The following ZNF653 variants were observed in gnomAD, a reference collection of about 807,000 sequenced individuals.
ZNF653 encodes zinc finger protein 653, also known as 67 kDa zinc finger protein.
Under a neutral mutation model 59.9 loss-of-function variants are expected in ZNF653, and 37 were observed. The ratio of observed to expected loss-of-function variants is 0.62; its 90% CI spans 0.48 to 0.81. The LOEUF is 0.81. ZNF653 is among the 40% of genes least tolerant of loss of function. The pLI is 0.00. For synonymous variants in ZNF653, 435 were observed against 371.8 expected, an observed-to-expected ratio of 1.17 and a Z score of -1.96; for missense variants, 808 against 881.1, an observed-to-expected ratio of 0.92 and a Z score of 1.05.
intron 1 of ZNF653, 70 bp downstream of exon 1, chr19:11,505,418 G>C (rs906115098): frequency 7.4e-7 from 1 of 1,345,874 alleles, no homozygotes; most frequent in Non-Finnish European, 9.5e-7. Flanking sequence ...GAAGCGGAGG[G>C]GGCGGGGTAA....
At position 11,487,950 on chromosome 19, in the gene ZNF653, G is replaced by T; in HGVS notation, c.560-47C>A. On this transcript the variant is annotated intron_variant, in intron 3 of 8. Transcript: ENST00000293771. The surrounding 1 kb of genome is among the most constrained non-coding windows in gnomAD (Gnocchi z 5.1). ...AGTGGTTATGATAGCTGCAGCCACT[G>T]GTATTTGTTTATTTAGTTTTTATTT... 2 of 1,416,408 alleles carry T rather than the reference G, an allele frequency of 1.4e-6. No homozygotes were observed. Among genetic ancestry groups the T allele is most frequent in the East Asian group, 2.6e-5 (1 of 39,098 alleles). 87.7% of individuals were successfully genotyped at this position (1,416,408 alleles called of 1,614,324 possible). A position where few individuals can be genotyped will look rare whatever the true frequency, so the allele number is the denominator to read the frequency against.
rs1284611418 is a variant in ZNF653 at position 11,487,486 on chromosome 19, C to T, written c.977G>A (p.Gly326Asp). Residue 326 changes from glycine to aspartate, a missense_variant, in exon 4 of 9, where the codon GGT becomes GAT. Physicochemically the swap from Gly to Asp is moderately conservative, Grantham distance 94. Coordinates refer to ENST00000293771, the MANE Select transcript of ZNF653 (RefSeq NM_138783.4). This position sits in a 1 kb window ranked among gnomAD's most constrained non-coding sequence, Gnocchi z 5.1. ...GSQVIIIAGP[G>D]YDALTAEGIH... ...GCCCTCGGCCGTGAGAGCGTCGTAACCAGGGCCCGCAATGATGATCACCTG... is the reference window on the plus strand; with the variant it reads ...GCCCTCGGCCGTGAGAGCGTCGTAATCAGGGCCCGCAATGATGATCACCTG... The T allele has an allele frequency of 5.0e-6, 8 of 1,613,654 alleles. No homozygotes were observed. Among genetic ancestry groups the T allele is most frequent in the Non-Finnish European group, 6.8e-6 (8 of 1,179,980 alleles).
chr19:11,494,484 A>C (rs112583288), intron 3 of ZNF653, among the ~76,000 whole-genome samples: 5,363 of 152,192 alleles, frequency 0.035, 326 homozygotes, highest in African/African-American at 0.12. Flanking sequence ...TGAGGTCAGG[A>C]GTTCAAGACC....
intron 2 of ZNF653, 114 bp downstream of exon 2, chr19:11,498,182 T>C: frequency 7.0e-7 from 1 of 1,437,756 alleles, no homozygotes; most frequent in Non-Finnish European, 9.7e-7. Context: ...GGTCGGGCTC[T>C]GCTGGTTCCA....
rs750220383 is a variant in ZNF653, at chr19:11,487,269, AG to A, written c.1171+22del. On this transcript the variant is annotated intron_variant, in intron 4 of 8. Coordinates refer to ENST00000293771, the MANE Select transcript of ZNF653 (RefSeq NM_138783.4). The surrounding 1 kb of genome is among the most constrained non-coding windows in gnomAD (Gnocchi z 5.1). The stretch of plus-strand genomic sequence containing the variant: ...CCCAGGCCCAACCACCCCTGGCCAG[AG>A]GCCACGACAGGTCCCCCAGACCTTT... 5 of 1,604,056 alleles carry A rather than the reference AG, an allele frequency of 3.1e-6. No individual in the cohort carries two copies. Among genetic ancestry groups the A allele is most frequent in the Non-Finnish European group, 4.3e-6 (5 of 1,174,040 alleles).
chr19:11,488,025 T>G, intron 3 of ZNF653, 122 bp from the exon 4 acceptor site: 1 of 988,516 alleles, frequency 1.0e-6, no homozygotes, highest in Non-Finnish European at 1.3e-6. Flanking sequence ...TCTCACTCTG[T>G]CACCCAGGCT....
At chr19:11,498,483 G>T in intron 1 of ZNF653, 144 bp from the exon 2 acceptor site, 1 of 1,163,076 alleles carries the variant, frequency 8.6e-7, no homozygotes, top group Non-Finnish European at 1.3e-6. Flanking sequence ...TCACTGTGTT[G>T]CCCAGGCTAG....
At chr19:11,496,561 T>G (rs752093056) in intron 2 of ZNF653, among the ~76,000 whole-genome samples, 73 of 151,974 alleles carry the variant, frequency 4.8e-4, no homozygotes, top group Admixed American at 9.2e-4. Context: ...TCAAGTCTGT[T>G]CCCTCCTCTG....
intron 1 of ZNF653, among the ~76,000 whole-genome samples, chr19:11,499,318 G>A (rs1195988568): frequency 6.6e-6 from 1 of 152,202 alleles, no homozygotes; most frequent in African/African-American, 2.4e-5. Context: ...TCCCCTGAGC[G>A]GGGCAGGCCT....
Position 11,484,152 on chromosome 19 carries a change from T to C in ZNF653, c.1571-11A>G, listed in dbSNP as rs773729653. 1.4e-5 allele frequency: 22 copies of C among 1,550,400 alleles called. No homozygotes were observed. The Admixed American group carries it at 4.3e-4, about 30-fold the overall frequency. On this transcript the variant is annotated splice_polypyrimidine_tract_variant and intron_variant, in intron 7 of 8. Coordinates refer to ENST00000293771, the MANE Select transcript of ZNF653 (RefSeq NM_138783.4). ...TGAATTCACGGACACCTGGGGGCGG[T>C]GGGGACCGAGGCTGAGGACGGTGGG... is the stretch of plus-strand genomic sequence containing the variant.
rs1049684026 is a variant in ZNF653 at position 11,483,665 on chromosome 19, G to T, written c.*17C>A. 1.2e-6 allele frequency: 2 copies of T among 1,604,758 alleles called. No individual in the cohort carries two copies. The highest frequency in any genetic ancestry group is 1.1e-5 in the South Asian group (1 of 90,926). On this transcript the variant is annotated 3_prime_UTR_variant, in exon 9 of 9. Transcript: ENST00000293771. ...CCGAGCGGACGAATAAATAGGGGCG[G>T]TCAGTGGTCAGGTGGGTCAGGTGGG...
intron 8 of ZNF653, 90 bp from the exon 9 acceptor site, chr19:11,483,949 C>T: frequency 2.6e-6 from 4 of 1,523,474 alleles, no homozygotes; most frequent in Non-Finnish European, 3.5e-6. Flanking sequence ...GGAACCGGGC[C>T]CAGACACTGC....
chr19:11,489,900 C>G (rs776057359), intron 3 of ZNF653, among the ~76,000 whole-genome samples: 20 of 152,232 alleles, frequency 1.3e-4, no homozygotes, highest in Non-Finnish European at 2.2e-4. Flanking sequence ...CCTCAGCGCT[C>G]ACCTTACCCC....
intron 2 of ZNF653, among the ~76,000 whole-genome samples, chr19:11,496,454 A>AT (rs1325546444): frequency 6.6e-6 from 1 of 152,108 alleles, no homozygotes; most frequent in Non-Finnish European, 1.5e-5. Flanking sequence ...CATCTTCATC[A>AT]AACGCCTAGA....
intron 8 of ZNF653, 23 bp downstream of exon 8, chr19:11,484,019 G>A (rs1399566010): frequency 1.9e-6 from 3 of 1,548,874 alleles, no homozygotes; most frequent in East Asian, 4.9e-5. Flanking sequence ...TCCTCTAGCG[G>A]CACGGGGCGG....
intron 7 of ZNF653, 24 bp downstream of exon 7, chr19:11,485,632 C>A (rs1217319006): frequency 6.3e-7 from 1 of 1,593,266 alleles, no homozygotes; most frequent in Non-Finnish European, 8.6e-7. Context: ...CCCGCTCATG[C>A]TGCCAGCTGG....
At chr19:11,499,838 G>T (rs1971625987) in intron 1 of ZNF653, among the ~76,000 whole-genome samples, 1 of 151,956 alleles carries the variant, frequency 6.6e-6, no homozygotes, top group Non-Finnish European at 1.5e-5. Context: ...CCTGAGCCTG[G>T]GGAGGTCAAG....
rs116044037 is a variant in ZNF653 at position 11,502,489 on chromosome 19, C to A, written c.299+2999G>T. Among the ~76,000 whole-genome samples the A allele has an allele frequency of 7.4e-3, 1,120 of 152,224 alleles. 12 individuals carry two copies. Among genetic ancestry groups the A allele is most frequent in the African/African-American group, 0.025 (1,031 of 41,520 alleles). ...TTAACTCTTGGCCAACCTTGTATCA[C>A]AATGTGTACCCCATCCATTCTTCAA... On this transcript the variant is annotated intron_variant, in intron 1 of 8. Coordinates refer to ENST00000293771, the MANE Select transcript of ZNF653 (RefSeq NM_138783.4).
rs1247571301 is a variant in ZNF653, at chr19:11,485,673, T to A, written c.1553A>T (p.His518Leu). 1 of 1,613,970 alleles carries A rather than the reference T, an allele frequency of 6.2e-7. No homozygotes were observed. Among genetic ancestry groups the A allele is most frequent in the Non-Finnish European group, 8.5e-7 (1 of 1,179,888 alleles). The change falls in exon 7 of 9, where the codon CAC (histidine) becomes CTC (leucine). Residue 518 changes from histidine to leucine, a missense_variant. Physicochemically the swap from His to Leu is moderately conservative, Grantham distance 99. Transcript: ENST00000293771. ...KFYLSNHLRR[H>L]MIIHSGVREF... is the part of the protein sequence containing the mutation. The stretch of plus-strand genomic sequence containing the variant: ...GGCCTGACCTGAATGGATGATCATG[T>A]GCCGCCGCAGGTGGTTGGATAAATA...
Sources: gnomAD v4.1 joint callset for allele counts (sites outside exome capture counted in the v4.1 genomes callset) on GRCh38, gnomAD v4.1.1 for gene constraint, Gnocchi (gnomAD v3.1) non-coding constraint, MANE v1.5 for transcripts, NCBI Gene and HGNC (gene_info 2026-07-23, HGNC 2026-07-21) for gene names.